RCOR3: variants seen among roughly 807,000 people sequenced by gnomAD.
The protein encoded by RCOR3 is REST corepressor 3.
RCOR3 carries 13 observed loss-of-function variants against 64.1 expected under a neutral mutation model. The observed-to-expected ratio is 0.20, with a 90% CI of 0.13 to 0.32. RCOR3 has a LOEUF of 0.32. RCOR3 is among the 10% of genes least tolerant of loss of function. The pLI, the probability that RCOR3 is intolerant of heterozygous loss-of-function variation, is 1.00. For synonymous variants in RCOR3, 215 were observed against 239.0 expected, an observed-to-expected ratio of 0.90 and a Z score of 0.93; for missense variants, 489 against 701.2, an observed-to-expected ratio of 0.70 and a Z score of 3.42.
intron 1 of RCOR3, 187 bp from the exon 2 acceptor site, chr1:211,259,921 T>A: frequency 3.3e-6 from 2 of 598,794 alleles, no homozygotes; most frequent in Non-Finnish European, 4.6e-6. Flanking sequence ...ATCCTCCGCC[T>A]TTGCCCCCCC....
chr1:211,262,394 T>G (rs1242529203), intron 2 of RCOR3, among the ~76,000 whole-genome samples: 1 of 152,196 alleles, frequency 6.6e-6, no homozygotes, highest in Admixed American at 6.5e-5. Flanking sequence ...AATTATTCTA[T>G]AAACATTAAA....
rs760608679 is a variant in RCOR3, at chr1:211,312,693, A to G, written c.1076-27A>G. 1.5e-5 allele frequency: 22 copies of G among 1,494,256 alleles called. No individual in the cohort carries two copies. The South Asian group carries it at 2.4e-4, about 16-fold the overall frequency. 92.6% of individuals were successfully genotyped at this position (1,494,256 alleles called of 1,614,324 possible). A position where few individuals can be genotyped will look rare whatever the true frequency, so the allele number is the denominator to read the frequency against. On this transcript the variant is annotated intron_variant, in intron 10 of 11. Coordinates refer to ENST00000419091, the MANE Select transcript of RCOR3 (RefSeq NM_001136223.3). This position sits in a 1 kb window ranked among gnomAD's most constrained non-coding sequence, Gnocchi z 5.0. ...ACAGCTCTCCTTATTGATCCTTCACAGGTGTATTATTTACTTTGCCTTCCA... is the reference window on the plus strand; with the variant it reads ...ACAGCTCTCCTTATTGATCCTTCACGGGTGTATTATTTACTTTGCCTTCCA...
In RCOR3 at chr1:211,269,937, A is replaced by C. The variant is rs139480001; in HGVS notation, c.224-1295A>C. Reference sequence around the variant, plus strand: ...GAGGCCAGTAGTTCAAGACCAGCCTAGGCAGCATAGCAAGACTTCACATGT... The same window carrying C: ...GAGGCCAGTAGTTCAAGACCAGCCTCGGCAGCATAGCAAGACTTCACATGT... On this transcript the variant is annotated intron_variant, in intron 2 of 11. Transcript: ENST00000419091. Among the ~76,000 whole-genome samples the C allele has an allele frequency of 5.7e-3, 862 of 152,216 alleles. 3 individuals carry two copies. Among genetic ancestry groups the C allele is most frequent in the Non-Finnish European group, 9.2e-3 (627 of 68,014 alleles).
chr1:211,298,932 G>A (rs1477443018), intron 9 of RCOR3, among the ~76,000 whole-genome samples: 2 of 151,994 alleles, frequency 1.3e-5, no homozygotes, highest in African/African-American at 4.8e-5. Flanking sequence ...GCGTGAACCC[G>A]GGAAGTGGAG....
At chr1:211,290,111 A>G (rs1257551152) in intron 8 of RCOR3, among the ~76,000 whole-genome samples, 2 of 151,926 alleles carry the variant, frequency 1.3e-5, no homozygotes, top group Non-Finnish European at 2.9e-5. Context: ...GTCTTTTCCT[A>G]TTTTTTGTCT....
At chr1:211,270,950 G>C (rs959244925) in intron 2 of RCOR3, among the ~76,000 whole-genome samples, 2 of 151,938 alleles carry the variant, frequency 1.3e-5, no homozygotes, top group African/African-American at 4.8e-5. Flanking sequence ...CGCCTCCCGG[G>C]TTCACGCCAT....
At chr1:211,272,994 G>A (rs1365209253) in intron 3 of RCOR3, among the ~76,000 whole-genome samples, 3 of 152,096 alleles carry the variant, frequency 2.0e-5, no homozygotes, top group Non-Finnish European at 4.4e-5. Flanking sequence ...CAGGTCAGTT[G>A]GTATTGTTCA....
rs534778350 is a variant in RCOR3, at chr1:211,296,001, G to T, written c.1017+248G>T. On this transcript the variant is annotated intron_variant, in intron 9 of 11. Coordinates refer to ENST00000419091, the MANE Select transcript of RCOR3 (RefSeq NM_001136223.3). ...AGCAAGCCAACAATTAGGGAAAATA[G>T]TAGTAGGAACAGTGTATGTGAAACT... 1.3e-4 allele frequency among the ~76,000 whole-genome samples: 20 copies of T among 152,278 alleles called. No homozygotes were observed. The South Asian group carries it at 4.1e-3, about 32-fold the overall frequency.
At chr1:211,270,549 A>C (rs1696003494) in intron 2 of RCOR3, among the ~76,000 whole-genome samples, 2 of 574 alleles carry the variant, frequency 3.5e-3, no homozygotes, top group African/African-American at 4.0e-3. Context: ...GACATGGGGC[A>C]AAAAAAAAAA....
intron 2 of RCOR3, among the ~76,000 whole-genome samples, chr1:211,269,625 T>C (rs1428422241): frequency 6.6e-6 from 1 of 152,002 alleles, no homozygotes; most frequent in African/African-American, 2.4e-5. Context: ...CAATGCTTCA[T>C]TTGTTGGTAG....
At chr1:211,279,884 G>C (rs80167028) in intron 7 of RCOR3, among the ~76,000 whole-genome samples, 4,215 of 152,116 alleles carry the variant, frequency 0.028, 203 homozygotes, top group African/African-American at 0.095. Flanking sequence ...GTAACCTCAT[G>C]ATGCTGGATT....
At chr1:211,296,207 A>G (rs555950357) in intron 9 of RCOR3, among the ~76,000 whole-genome samples, 31 of 152,284 alleles carry the variant, frequency 2.0e-4, no homozygotes, top group African/African-American at 7.5e-4. Context: ...GCTTCCACTT[A>G]TGATTTTAGT....
intron 8 of RCOR3, among the ~76,000 whole-genome samples, chr1:211,294,879 G>T (rs180918301): frequency 6.6e-6 from 1 of 151,740 alleles, no homozygotes; most frequent in African/African-American, 2.4e-5. Context: ...GTGAGCCACC[G>T]CACCCAGCCT....
chr1:211,259,521 C>T lies in RCOR3; in HGVS notation c.-40C>T. On this transcript the variant is annotated 5_prime_UTR_variant, in exon 1 of 12. Transcript: ENST00000419091. ...GCCATCTCCGCCTTCACCCTGACGC[C>T]TGCCTCTTCCCCTCACCTTTCCCCC... 2.6e-6 allele frequency: 4 copies of T among 1,533,434 alleles called. No individual in the cohort carries two copies. The highest frequency in any genetic ancestry group is 1.8e-6 in the Non-Finnish European group (2 of 1,138,990). 95.0% of individuals were successfully genotyped at this position (1,533,434 alleles called of 1,614,324 possible).
At chr1:211,309,184 T>G (rs1701249232) in intron 10 of RCOR3, among the ~76,000 whole-genome samples, 1 of 151,076 alleles carries the variant, frequency 6.6e-6, no homozygotes, top group Admixed American at 6.6e-5. Flanking sequence ...TAGCCAAAGA[T>G]TAAAACAAAA....
intron 10 of RCOR3, among the ~76,000 whole-genome samples, chr1:211,308,536 TTAA>T (rs1701096636): frequency 6.6e-6 from 1 of 152,062 alleles, no homozygotes; most frequent in African/African-American, 2.4e-5. Flanking sequence ...TTTTGAAAAA[TTAA>T]TGTTTCCCAG....
intron 8 of RCOR3, among the ~76,000 whole-genome samples, chr1:211,290,128 T>C (rs1699068684): frequency 6.6e-6 from 1 of 152,194 alleles, no homozygotes; most frequent in Admixed American, 6.5e-5. Flanking sequence ...GTCTGTTTTG[T>C]TATTTTTTTC....
chr1:211,287,372 A>G (rs1334125890), intron 7 of RCOR3, among the ~76,000 whole-genome samples: 1 of 152,166 alleles, frequency 6.6e-6, no homozygotes, highest in Non-Finnish European at 1.5e-5. Flanking sequence ...ACTACTGCAT[A>G]CTTGATTCTC....
At chr1:211,260,724 A>T (rs978328461) in intron 2 of RCOR3, among the ~76,000 whole-genome samples, 1 of 139,774 alleles carries the variant, frequency 7.2e-6, no homozygotes, top group African/African-American at 2.6e-5. Context: ...TGCGGAGTGC[A>T]GGAGCCGCGG....
Sources: allele counts gnomAD v4.1 joint callset (sites outside exome capture counted in the v4.1 genomes callset), GRCh38; gene constraint gnomAD v4.1.1; non-coding constraint Gnocchi (gnomAD v3.1); transcripts MANE v1.5; gene names NCBI Gene and HGNC (gene_info 2026-07-23, HGNC 2026-07-21).